Variants in PDE11A observed in about 807,000 individuals in gnomAD.
PDE11A encodes the protein dual 3',5'-cyclic-AMP and -GMP phosphodiesterase 11A.
Under a neutral mutation model 100.5 loss-of-function variants are expected in PDE11A, and 100 were observed. The ratio of observed to expected loss-of-function variants is 1.00; its 90% CI spans 0.85 to 1.18. The LOEUF (loss-of-function observed/expected upper bound fraction) is 1.18. Ranked by LOEUF, PDE11A falls within the 50% of genes most tolerant of loss-of-function variation. The pLI, the probability that PDE11A is intolerant of heterozygous loss-of-function variation, is 0.00. For synonymous variants in PDE11A, 381 were observed against 420.8 expected, an observed-to-expected ratio of 0.91 and a Z score of 1.16; for missense variants, 1,141 against 1,152.6, an observed-to-expected ratio of 0.99 and a Z score of 0.15.
chr2:177,813,086 A>G (rs2082974903), intron 9 of PDE11A, among the ~76,000 whole-genome samples: 1 of 79,868 alleles, frequency 1.3e-5, no homozygotes, highest in East Asian at 3.0e-4. Context: ...ACAGTCTGCC[A>G]TAATAACCAC....
At chr2:177,985,941 T>G (rs1371697232) in intron 2 of PDE11A, among the ~76,000 whole-genome samples, 1 of 152,220 alleles carries the variant, frequency 6.6e-6, no homozygotes, top group African/African-American at 2.4e-5. Flanking sequence ...AAAACCCTTT[T>G]ATCTAGAACA....
chr2:177,934,469 A>G (rs1023424891), intron 2 of PDE11A, among the ~76,000 whole-genome samples: 1 of 152,188 alleles, frequency 6.6e-6, no homozygotes, highest in African/African-American at 2.4e-5. Flanking sequence ...GGCTATTACT[A>G]AAAAGTCAAA....
At chr2:177,824,304 G>T (rs12469388) in intron 6 of PDE11A, among the ~76,000 whole-genome samples, 4,249 of 152,276 alleles carry the variant, frequency 0.028, 96 homozygotes, top group Admixed American at 0.061. Flanking sequence ...CCAGTCCTCT[G>T]GGTTAATTGC....
chr2:178,101,749 G>A (rs2087561490), intron 2 of PDE11A, among the ~76,000 whole-genome samples: 1 of 152,072 alleles, frequency 6.6e-6, no homozygotes, highest in Non-Finnish European at 1.5e-5. Context: ...GAGGTTCCTT[G>A]CCAGGAACCC....
intron 9 of PDE11A, among the ~76,000 whole-genome samples, chr2:177,778,930 T>C (rs996646453): frequency 3.3e-5 from 5 of 150,728 alleles, no homozygotes; most frequent in African/African-American, 1.2e-4. Context: ...TCATAAAAAA[T>C]ATTTTTAAAA....
intron 9 of PDE11A, among the ~76,000 whole-genome samples, chr2:177,813,867 G>A (rs2082992469): frequency 6.6e-6 from 1 of 151,830 alleles, no homozygotes. Flanking sequence ...AAGGTTATGG[G>A]ACTGAAAGAG....
chr2:178,092,847 C>T (rs1156433760), intron 2 of PDE11A: 1 of 152,234 alleles, frequency 6.6e-6, no homozygotes, highest in African/African-American at 2.4e-5. Context: ...GGTGATCCGC[C>T]CTCCTCGGCC....
At chr2:177,914,329 A>C (rs2084922132) in intron 2 of PDE11A, among the ~76,000 whole-genome samples, 1 of 152,140 alleles carries the variant, frequency 6.6e-6, no homozygotes, top group South Asian at 2.1e-4. Flanking sequence ...GTTTGATATA[A>C]TCCATTAGGC....
intron 15 of PDE11A, among the ~76,000 whole-genome samples, chr2:177,694,646 A>C (rs995140721): frequency 6.6e-6 from 1 of 152,218 alleles, no homozygotes; most frequent in African/African-American, 2.4e-5. Flanking sequence ...TGGGATTTTA[A>C]TTTTTAAGTA....
chr2:177,910,398 GTCTC>G lies in PDE11A; in HGVS notation c.1072-5215_1072-5212del, dbSNP rs532961536. ...TTTTTTCAGTCCCAGTGTTACAGAT[GTCTC>G]TCTCTCTCTGTCTCTCTCTCTCTCT... On this transcript the variant is annotated intron_variant, in intron 2 of 19. Transcript: ENST00000286063. Among the ~76,000 whole-genome samples, 1,063 of 139,854 alleles carry G rather than the reference GTCTC, an allele frequency of 7.6e-3. 20 individuals carry two copies. Among genetic ancestry groups the G allele is most frequent in the African/African-American group, 0.026 (1,002 of 37,968 alleles). The allele number at this position is 139,854 out of a possible 152,430, so 91.7% of individuals were successfully genotyped here. A position where few individuals can be genotyped will look rare whatever the true frequency, so the allele number is the denominator to read the frequency against.
intron 19 of PDE11A, among the ~76,000 whole-genome samples, chr2:177,644,881 T>C (rs1484253361): frequency 1.3e-5 from 2 of 152,218 alleles, no homozygotes; most frequent in Non-Finnish European, 2.9e-5. Flanking sequence ...AATGTGAGTT[T>C]CCCTGCACAA....
intron 2 of PDE11A, chr2:177,921,800 C>A (rs2085053019): frequency 6.6e-6 from 1 of 152,132 alleles, no homozygotes; most frequent in Non-Finnish European, 1.5e-5. Context: ...AAAAGCCGTT[C>A]CTACAGCATA....
intron 4 of PDE11A, among the ~76,000 whole-genome samples, chr2:177,876,222 A>G (rs1408782047): frequency 1.3e-5 from 2 of 152,244 alleles, no homozygotes; most frequent in African/African-American, 2.4e-5. Context: ...TCTCATTTGA[A>G]TACTTAAAAA....
At chr2:177,772,721 A>AAAC (rs56721547) in intron 9 of PDE11A, among the ~76,000 whole-genome samples, 13,222 of 151,920 alleles carry the variant, frequency 0.087, 615 homozygotes, top group Middle Eastern at 0.16. Context: ...TTTAAAAAAA[A>AAAC]AAAAAAGCTA....
chr2:178,017,235 A>G (rs550574058), intron 1 of PDE11A, among the ~76,000 whole-genome samples: 1 of 152,394 alleles, frequency 6.6e-6, no homozygotes, highest in East Asian at 1.9e-4. Flanking sequence ...CATTTTTCCA[A>G]ATATATAGAA....
At chr2:177,823,745 A>C (rs1402772505) in intron 6 of PDE11A, among the ~76,000 whole-genome samples, 2 of 152,204 alleles carry the variant, frequency 1.3e-5, no homozygotes, top group Non-Finnish European at 2.9e-5. Context: ...AGAAAGGTAT[A>C]ATCTACAGAC....
At chr2:177,821,476 A>G (rs769822854) in intron 6 of PDE11A, among the ~76,000 whole-genome samples, 1 of 151,822 alleles carries the variant, frequency 6.6e-6, no homozygotes, top group Non-Finnish European at 1.5e-5. Flanking sequence ...TGCATTTCTG[A>G]TAGGCATATA....
intron 19 of PDE11A, among the ~76,000 whole-genome samples, chr2:177,661,024 C>T (rs867272884): frequency 6.6e-6 from 1 of 152,162 alleles, no homozygotes; most frequent in Non-Finnish European, 1.5e-5. Flanking sequence ...TAGACTCCAA[C>T]TCTCCAACCT....
Position 177,867,350 on chromosome 2 carries a change from C to T in PDE11A, c.1367+8509G>A, listed in dbSNP as rs16865868. On this transcript the variant is annotated intron_variant, in intron 5 of 19. Coordinates refer to ENST00000286063, the MANE Select transcript of PDE11A (RefSeq NM_016953.4). ...TAAAACCTTCTGGTGCATAGAGGTG[C>T]TCCTCCAGGCCCAGAATCATATTCA... Among the ~76,000 whole-genome samples the T allele has an allele frequency of 7.3e-3, 1,105 of 152,308 alleles. 13 individuals carry two copies. Among genetic ancestry groups the T allele is most frequent in the African/African-American group, 0.025 (1,029 of 41,552 alleles).
Sources: allele counts gnomAD v4.1 joint callset (sites outside exome capture counted in the v4.1 genomes callset), GRCh38; gene constraint gnomAD v4.1.1; transcripts MANE v1.5; gene names NCBI Gene and HGNC (gene_info 2026-07-23, HGNC 2026-07-21).